PLAC1: variants seen among roughly 807,000 people sequenced by gnomAD.
PLAC1 encodes the protein placenta associated 1.
For missense variants in PLAC1, 136 were observed against 163.2 expected, an observed-to-expected ratio of 0.83 and a Z score of 0.91; for synonymous variants, 68 against 62.1, an observed-to-expected ratio of 1.09 and a Z score of -0.44.
At chrX:134,618,264 C>A (rs370968565) in intron 1 of PLAC1, among the ~76,000 whole-genome samples, 1 of 112,309 alleles carries the variant, frequency 8.9e-6, no homozygotes, top group East Asian at 2.8e-4. Context: ...TGGCCCCGGG[C>A]AGCAAGGTAG....
chrX:134,570,402 C>A (rs1417316368), intron 2 of PLAC1, among the ~76,000 whole-genome samples: 2 of 110,884 alleles, frequency 1.8e-5, no homozygotes, highest in Non-Finnish European at 3.8e-5. Context: ...GAGCTGTGGG[C>A]AGAATTCTAT....
At chrX:134,592,310 T>G (rs1025975074) in intron 2 of PLAC1, among the ~76,000 whole-genome samples, 9 of 112,426 alleles carry the variant, frequency 8.0e-5, no homozygotes, top group Non-Finnish European at 1.3e-4. Context: ...TTGTATAAAG[T>G]ATGAGTCTTA....
At chrX:134,583,359 G>A (rs1285902315) in intron 2 of PLAC1, among the ~76,000 whole-genome samples, 4 of 106,074 alleles carry the variant, frequency 3.8e-5, no homozygotes, top group Non-Finnish European at 7.7e-5. Context: ...CCAAAGGATA[G>A]GATCACAGGC....
intron 2 of PLAC1, among the ~76,000 whole-genome samples, chrX:134,723,976 A>T (rs1174853138): frequency 2.4e-5 from 2 of 82,728 alleles, no homozygotes; most frequent in East Asian, 6.6e-4. Context: ...GTGTAACCTC[A>T]ATCTAATCAT....
rs778726810 is a variant in PLAC1 at position 134,566,875 on chromosome X, C to T, written c.-58-135G>A. The T allele has an allele frequency of 3.4e-4, 140 of 409,372 alleles. No individual in the cohort carries two copies. The Middle Eastern group carries it at 6.0e-3, about 17-fold the overall frequency. 33.7% of individuals were successfully genotyped at this position (409,372 alleles called of 1,213,427 possible). On this transcript the variant is annotated intron_variant, in intron 2 of 2. Coordinates refer to ENST00000359237, the MANE Select transcript of PLAC1 (RefSeq NM_021796.4). ...AACACTCATTTGAGAGAGAACTGAA[C>T]TTTAATTTCATTGTTGGAACTCACG... is the stretch of plus-strand genomic sequence containing the variant.
At chrX:134,702,241 A>G (rs1670924326) in intron 2 of PLAC1, among the ~76,000 whole-genome samples, 1 of 111,892 alleles carries the variant, frequency 8.9e-6, no homozygotes, top group African/African-American at 3.3e-5. Context: ...AATCCCATTA[A>G]TGAGTACATA....
chrX:134,594,680 T>A (rs2078054234), intron 2 of PLAC1, among the ~76,000 whole-genome samples: 1 of 111,213 alleles, frequency 9.0e-6, no homozygotes, highest in South Asian at 3.7e-4. Flanking sequence ...CCTTTTGATG[T>A]CTGCAGGGTT....
At chrX:134,745,712 G>T (rs754387184) in intron 1 of PLAC1, among the ~76,000 whole-genome samples, 1 of 111,733 alleles carries the variant, frequency 8.9e-6, no homozygotes, top group East Asian at 2.8e-4. Flanking sequence ...TTCCCTTCTG[G>T]CCAGACTCCT....
Position 134,736,697 on chromosome X carries a change from G to A in PLAC1, n.90-3178C>T, listed in dbSNP as rs112246267. On this transcript the variant is annotated intron_variant and non_coding_transcript_variant, in intron 1 of 2. Coordinates refer to the PLAC1 transcript ENST00000466797. The stretch of plus-strand genomic sequence containing the variant: ...TGCTCATTACTGAGAAGGCTCTGGC[G>A]CCCTTCAACCCATTTGTATCTCTTC... 7.5e-3 allele frequency among the ~76,000 whole-genome samples: 842 copies of A among 112,085 alleles called. 12 individuals carry two copies. The highest frequency in any genetic ancestry group is 0.047 in the Middle Eastern group (10 of 215).
At chrX:134,567,761 C>CA (rs397948329) in intron 2 of PLAC1, among the ~76,000 whole-genome samples, 4,626 of 28,925 alleles carry the variant, frequency 0.16, 427 homozygotes, top group African/African-American at 0.39. Context: ...GACTCTGTCT[C>CA]AAAAAAAAAA....
At chrX:134,581,301 C>T (rs185299137) in intron 2 of PLAC1, among the ~76,000 whole-genome samples, 1 of 110,073 alleles carries the variant, frequency 9.1e-6, no homozygotes, top group East Asian at 2.9e-4. Context: ...TGGGTTTTTA[C>T]AAACATTTTA....
chrX:134,700,915 T>C (rs1343769862), intron 2 of PLAC1, among the ~76,000 whole-genome samples: 2 of 111,907 alleles, frequency 1.8e-5, no homozygotes, highest in Non-Finnish European at 3.8e-5. Flanking sequence ...CAATGTCATA[T>C]TTCACATAAT....
At chrX:134,662,915 C>T (rs149949734), upstream of PLAC1, among the ~76,000 whole-genome samples, 130 of 111,958 alleles carry the variant, frequency 1.2e-3, no homozygotes, top group African/African-American at 4.0e-3. Flanking sequence ...GGTGACAGAG[C>T]GAGATCCTGT....
At chrX:134,630,837 C>G (rs2078257590) in intron 1 of PLAC1, among the ~76,000 whole-genome samples, 1 of 111,669 alleles carries the variant, frequency 9.0e-6, no homozygotes, top group South Asian at 3.8e-4. Context: ...CAGAATGGTG[C>G]AAATCAATCA....
intron 2 of PLAC1, among the ~76,000 whole-genome samples, chrX:134,666,788 C>T (rs771567123): frequency 2.7e-5 from 3 of 111,656 alleles, no homozygotes; most frequent in Non-Finnish European, 5.6e-5. Flanking sequence ...TCTGGGTGTG[C>T]TAGGCTGAGA....
At chrX:134,698,635 T>C (rs1436789039) in intron 2 of PLAC1, among the ~76,000 whole-genome samples, 1 of 111,260 alleles carries the variant, frequency 9.0e-6, no homozygotes, top group Non-Finnish European at 1.9e-5. Context: ...ATTCCAAGGC[T>C]AAGTCCTTAG....
rs1301626573 is a variant in PLAC1 at position 134,762,269 on chromosome X, T to G, written n.89+1965A>C. 4.7e-5 allele frequency among the ~76,000 whole-genome samples: 5 copies of G among 106,897 alleles called. No homozygotes were observed. The East Asian group carries it at 1.5e-3, about 32-fold the overall frequency. 92.8% of individuals were successfully genotyped at this position (106,897 alleles called of 115,157 possible). On this transcript the variant is annotated intron_variant and non_coding_transcript_variant, in intron 1 of 2. Coordinates refer to the PLAC1 transcript ENST00000466797. The stretch of plus-strand genomic sequence containing the variant: ...CAGACTGAATCAACCCAAGTAACCA[T>G]CGCCCAGGTCCATAGAGAACATTCC...
intron 2 of PLAC1, among the ~76,000 whole-genome samples, chrX:134,674,689 T>C (rs745657980): frequency 8.9e-6 from 1 of 112,579 alleles, no homozygotes; most frequent in Non-Finnish European, 1.9e-5. Flanking sequence ...GTTGGTTTCA[T>C]GTAGATGTGG....
At chrX:134,566,866 A>T in intron 2 of PLAC1, 126 bp from the exon 3 acceptor site, 1 of 414,895 alleles carries the variant, frequency 2.4e-6, no homozygotes. Context: ...CATTTGAGAG[A>T]GAACTGAACT....
Sources: gnomAD v4.1 joint callset for allele counts (sites outside exome capture counted in the v4.1 genomes callset) on GRCh38, gnomAD v4.1.1 for gene constraint, MANE v1.5 for transcripts, NCBI Gene and HGNC (gene_info 2026-07-23, HGNC 2026-07-21) for gene names.